EDIL3: variants seen among roughly 807,000 people sequenced by gnomAD.
EDIL3 encodes EGF-like repeat and discoidin I-like domain-containing protein 3.
Under a neutral mutation model 67.4 loss-of-function variants are expected in EDIL3, and 37 were observed. That is an observed-to-expected ratio of 0.55 (90% confidence interval 0.42 to 0.72). EDIL3 has a LOEUF of 0.72. Among genes scored for constraint, EDIL3 ranks in the 30% least tolerant of loss-of-function variants. The pLI, the probability that EDIL3 is intolerant of heterozygous loss-of-function variation, is 0.00. For synonymous variants in EDIL3, 195 were observed against 196.3 expected (o/e 0.99, Z 0.05); for missense variants, 527 against 586.3 (o/e 0.90, Z 1.04).
intron 1 of EDIL3, among the ~76,000 whole-genome samples, chr5:84,334,826 A>C (rs1746953158): frequency 6.6e-6 from 1 of 152,168 alleles, no homozygotes; most frequent in Admixed American, 6.5e-5. Flanking sequence ...AAAACTTTCT[A>C]AATAAACATT....
At chr5:84,094,469 A>T (rs1330852450) in intron 6 of EDIL3, among the ~76,000 whole-genome samples, 1 of 152,144 alleles carries the variant, frequency 6.6e-6, no homozygotes, top group African/African-American at 2.4e-5. Flanking sequence ...AACGAATTAG[A>T]TTGTATGTAA....
At chr5:84,307,764 G>A (rs1746301902) in intron 1 of EDIL3, among the ~76,000 whole-genome samples, 1 of 152,058 alleles carries the variant, frequency 6.6e-6, no homozygotes, top group Non-Finnish European at 1.5e-5. Context: ...TACAGGAGGA[G>A]AAATGAGAAG....
intron 9 of EDIL3, among the ~76,000 whole-genome samples, chr5:83,997,934 T>C (rs1745262846): frequency 6.6e-6 from 1 of 152,056 alleles, no homozygotes; most frequent in Admixed American, 6.6e-5. Flanking sequence ...GGAGGAAGCA[T>C]TTAGACCAGC....
At chr5:84,062,321 C>G (rs1457950049) in intron 8 of EDIL3, among the ~76,000 whole-genome samples, 1 of 152,082 alleles carries the variant, frequency 6.6e-6, no homozygotes, top group East Asian at 1.9e-4. Flanking sequence ...ATCTTTGCCT[C>G]TACCTGCATC....
chr5:84,247,750 A>G (rs1460394809), intron 2 of EDIL3, among the ~76,000 whole-genome samples: 2 of 151,996 alleles, frequency 1.3e-5, no homozygotes, highest in African/African-American at 4.8e-5. Flanking sequence ...TTTCCTGAAT[A>G]TATATATGTA....
chr5:84,361,290 C>G (rs1747590761), intron 1 of EDIL3, among the ~76,000 whole-genome samples: 2 of 151,818 alleles, frequency 1.3e-5, no homozygotes, highest in African/African-American at 4.8e-5. Flanking sequence ...CACACACACA[C>G]ACACACACAC....
chr5:84,355,984 C>T (rs1295148878), intron 1 of EDIL3, among the ~76,000 whole-genome samples: 1 of 151,682 alleles, frequency 6.6e-6, no homozygotes, highest in Non-Finnish European at 1.5e-5. Context: ...AAAGTGAATG[C>T]TATGAATATA....
intron 6 of EDIL3, among the ~76,000 whole-genome samples, chr5:84,073,487 A>T (rs996764995): frequency 7.2e-5 from 11 of 152,214 alleles, no homozygotes; most frequent in Non-Finnish European, 1.5e-5. Flanking sequence ...CTGATAAGCA[A>T]CTTCGGCAAA....
intron 4 of EDIL3, among the ~76,000 whole-genome samples, chr5:84,166,614 A>T (rs1748708521): frequency 6.6e-6 from 1 of 152,194 alleles, no homozygotes; most frequent in Non-Finnish European, 1.5e-5. Flanking sequence ...TAAAGAGAAG[A>T]AAAATATTAA....
At chr5:84,015,436 G>C (rs562124295) in intron 9 of EDIL3, among the ~76,000 whole-genome samples, 19 of 152,232 alleles carry the variant, frequency 1.2e-4, no homozygotes, top group African/African-American at 4.6e-4. Context: ...TTATTTGCTA[G>C]ACATTGCTTT....
At chr5:84,349,701 AAC>A (rs1747315961) in intron 1 of EDIL3, among the ~76,000 whole-genome samples, 2 of 152,082 alleles carry the variant, frequency 1.3e-5, no homozygotes, top group Non-Finnish European at 2.9e-5. Context: ...GTACACCACC[AAC>A]ACTCTTCCAT....
intron 1 of EDIL3, among the ~76,000 whole-genome samples, chr5:84,299,001 A>G (rs543649988): frequency 3.3e-5 from 5 of 152,246 alleles, no homozygotes; most frequent in African/African-American, 1.2e-4. Flanking sequence ...AACATCTTTA[A>G]TCTCCAGCAA....
chr5:84,154,693 C>CTTTTTTT (rs397881707), intron 4 of EDIL3, among the ~76,000 whole-genome samples: 8 of 92,296 alleles, frequency 8.7e-5, no homozygotes, highest in East Asian at 3.6e-4. Flanking sequence ...TCTGCTTCTG[C>CTTTTTTT]TTTTTTTTTT....
intron 1 of EDIL3, among the ~76,000 whole-genome samples, chr5:84,371,615 AT>A (rs1747858126): frequency 2.0e-5 from 3 of 151,574 alleles, no homozygotes; most frequent in African/African-American, 7.2e-5. Flanking sequence ...ATGATAAAAA[AT>A]AACAATAAAT....
At chr5:84,044,343 A>G (rs1184741875) in intron 9 of EDIL3, among the ~76,000 whole-genome samples, 2 of 152,212 alleles carry the variant, frequency 1.3e-5, no homozygotes, top group African/African-American at 2.4e-5. Flanking sequence ...TTAAGAACAT[A>G]AAAGAGGATA....
intron 6 of EDIL3, among the ~76,000 whole-genome samples, chr5:84,100,773 GA>G (rs765430383): frequency 2.0e-5 from 3 of 151,988 alleles, no homozygotes; most frequent in Non-Finnish European, 4.4e-5. Flanking sequence ...ATTTCTTTGA[GA>G]AATTGTGTTT....
chr5:84,109,065 G>A (rs1303402038), intron 5 of EDIL3, among the ~76,000 whole-genome samples: 1 of 152,082 alleles, frequency 6.6e-6, no homozygotes, highest in African/African-American at 2.4e-5. Context: ...TAACATATCA[G>A]GAAACTCATT....
chr5:84,167,309 A>C lies in EDIL3; in HGVS notation c.355+13084T>G, dbSNP rs1428766515. Among the ~76,000 whole-genome samples the C allele has an allele frequency of 2.0e-5, 3 of 152,140 alleles. No individual in the cohort carries two copies. In the East Asian group the frequency reaches 5.8e-4, roughly 30 times the overall value. ...ACTCTTCTAAGGAGTTTGATTGGAA[A>C]GTGTAGAACCAGAACAATAGCGTTC... is the stretch of plus-strand genomic sequence containing the variant. On this transcript the variant is annotated intron_variant, in intron 4 of 10. Transcript: ENST00000296591.
chr5:84,135,813 A>T (rs1748080624), intron 5 of EDIL3, among the ~76,000 whole-genome samples: 1 of 151,924 alleles, frequency 6.6e-6, no homozygotes, highest in Non-Finnish European at 1.5e-5. Context: ...AATTACTTTA[A>T]GCTTAGAAAG....
Sources: allele counts gnomAD v4.1 joint callset (sites outside exome capture counted in the v4.1 genomes callset), GRCh38; gene constraint gnomAD v4.1.1; transcripts MANE v1.5; gene names NCBI Gene and HGNC (gene_info 2026-07-23, HGNC 2026-07-21).